SNX29: variants seen among roughly 807,000 people sequenced by gnomAD.
SNX29 encodes the protein sorting nexin-29.
In SNX29, 78 loss-of-function variants were observed where a neutral mutation model predicts 102.1. That is an observed-to-expected ratio of 0.76 (90% CI 0.64 to 0.92). The LOEUF (loss-of-function observed/expected upper bound fraction) is 0.92, where lower values mean the gene tolerates loss of function less well. Ranked by LOEUF, SNX29 falls within the 40% of genes least tolerant of loss-of-function variation. SNX29 has a pLI of 0.00. For synonymous variants in SNX29, 580 were observed against 414.5 expected (o/e 1.40, Z -4.85); for missense variants, 1,280 against 1,061.7 (o/e 1.21, Z -2.86).
rs1297096420 is a variant in SNX29 at position 12,570,509 on chromosome 16, T to C, written c.*1880T>C. On this transcript the variant is annotated 3_prime_UTR_variant, in exon 21 of 21. Transcript: ENST00000566228. ...ATGTCATGACCCCTTAGGTTGGGTT[T>C]ATGCCACATCGGTCATTTTGAAGTA... 3.9e-5 allele frequency: 9 copies of C among 232,816 alleles called. No individual in the cohort carries two copies. The Admixed American group carries it at 3.9e-4, about 10-fold the overall frequency. The allele number at this position is 232,816 out of a possible 1,614,324, so 14.4% of individuals were successfully genotyped here. A position where few individuals can be genotyped will look rare whatever the true frequency, so the allele number is the denominator to read the frequency against.
At chr16:12,099,485 T>C (rs1278861190) in intron 11 of SNX29, among the ~76,000 whole-genome samples, 1 of 152,204 alleles carries the variant, frequency 6.6e-6, no homozygotes, top group Non-Finnish European at 1.5e-5. Flanking sequence ...GGCAGCTCAG[T>C]ATTTAGTGAC....
At chr16:12,549,067 A>AG (rs1391592535) in intron 20 of SNX29, among the ~76,000 whole-genome samples, 8 of 152,354 alleles carry the variant, frequency 5.3e-5, no homozygotes, top group African/African-American at 1.9e-4. Context: ...CTGGGCAGGC[A>AG]TCATAGTGTT....
chr16:12,104,910 A>T (rs2053168575), intron 11 of SNX29, among the ~76,000 whole-genome samples: 1 of 152,224 alleles, frequency 6.6e-6, no homozygotes, highest in Non-Finnish European at 1.5e-5. Flanking sequence ...AATGTCAAAG[A>T]CTTGCCTTCT....
At chr16:12,501,427 T>G (rs1435759618) in intron 19 of SNX29, among the ~76,000 whole-genome samples, 1 of 151,486 alleles carries the variant, frequency 6.6e-6, no homozygotes, top group Non-Finnish European at 1.5e-5. Flanking sequence ...AAATTATGTT[T>G]AAGACAGTGG....
chr16:12,394,295 C>T (rs888989843), intron 16 of SNX29, among the ~76,000 whole-genome samples: 1 of 152,160 alleles, frequency 6.6e-6, no homozygotes, highest in African/African-American at 2.4e-5. Context: ...CTGGGCATCC[C>T]AGAGGCAAGA....
chr16:12,048,378 A>G lies in SNX29; in HGVS notation c.506A>G (p.Asn169Ser), dbSNP rs200133053. 90 of 1,613,370 alleles carry G rather than the reference A, an allele frequency of 5.6e-5. No homozygotes were observed. The highest frequency in any genetic ancestry group is 7.3e-5 in the Non-Finnish European group (86 of 1,179,748). The change falls in exon 7 of 21, where the codon AAC (asparagine) becomes AGC (serine). Residue 169 changes from asparagine to serine, a missense_variant. Asn to Ser is a conservative substitution (Grantham distance 46). Transcript: ENST00000566228. ...TTTCCCTTTTTTTGGGCAGGTCTGA[A>G]CTCCATACTCTTTGCGATTAACATC... is the stretch of plus-strand genomic sequence containing the variant. ...SMLPTMAAGL[N>S]SILFAINIDN...
intron 15 of SNX29, among the ~76,000 whole-genome samples, chr16:12,315,578 C>T (rs1484677568): frequency 6.6e-6 from 1 of 152,022 alleles, no homozygotes; most frequent in African/African-American, 2.4e-5. Context: ...TGTGTGCGTG[C>T]AGAGATGAGA....
intron 1 of SNX29, among the ~76,000 whole-genome samples, chr16:11,993,806 T>C (rs2055950077): frequency 6.6e-6 from 1 of 152,154 alleles, no homozygotes; most frequent in Admixed American, 6.5e-5. Context: ...CATTAAACAT[T>C]AGATCCTGAG....
intron 18 of SNX29, among the ~76,000 whole-genome samples, chr16:12,468,998 C>T (rs1212626492): frequency 6.6e-6 from 1 of 152,226 alleles, no homozygotes; most frequent in Non-Finnish European, 1.5e-5. Context: ...GTAATCTGTG[C>T]ACCTCAGTTC....
At chr16:12,334,608 C>G (rs897245724) in intron 15 of SNX29, among the ~76,000 whole-genome samples, 1 of 152,256 alleles carries the variant, frequency 6.6e-6, no homozygotes, top group African/African-American at 2.4e-5. Flanking sequence ...GCCCATAGAT[C>G]TGTTTGATTT....
chr16:12,555,496 G>A (rs1246315214), intron 20 of SNX29, among the ~76,000 whole-genome samples: 7 of 151,566 alleles, frequency 4.6e-5, no homozygotes, highest in African/African-American at 1.5e-4. Context: ...GTTGTGGGGA[G>A]TCACGCAGGG....
At chr16:12,543,721 A>C (rs2077451780) in intron 20 of SNX29, among the ~76,000 whole-genome samples, 1 of 152,210 alleles carries the variant, frequency 6.6e-6, no homozygotes, top group Non-Finnish European at 1.5e-5. Context: ...GAATTAATGA[A>C]TTTTGGCATT....
At chr16:12,080,263 T>G (rs1437992424) in intron 11 of SNX29, among the ~76,000 whole-genome samples, 1 of 152,140 alleles carries the variant, frequency 6.6e-6, no homozygotes, top group Non-Finnish European at 1.5e-5. Flanking sequence ...AGAAAGAGTT[T>G]GGGAGGCACC....
At chr16:12,029,374 A>T (rs2057278758) in intron 4 of SNX29, among the ~76,000 whole-genome samples, 1 of 152,144 alleles carries the variant, frequency 6.6e-6, no homozygotes, top group Non-Finnish European at 1.5e-5. Context: ...CTACAGGGAA[A>T]GTGATTAATT....
chr16:12,163,851 C>T (rs2055897167), intron 13 of SNX29, among the ~76,000 whole-genome samples: 1 of 152,048 alleles, frequency 6.6e-6, no homozygotes, highest in African/African-American at 2.4e-5. Flanking sequence ...TTCCGTGGTG[C>T]AGAGGATGAG....
chr16:12,407,745 C>T (rs1282788797), intron 18 of SNX29, among the ~76,000 whole-genome samples: 1 of 152,158 alleles, frequency 6.6e-6, no homozygotes, highest in African/African-American at 2.4e-5. Flanking sequence ...TTTCAGCCCC[C>T]AAAGCAGTCT....
intron 4 of SNX29, among the ~76,000 whole-genome samples, chr16:12,040,244 G>A (rs544398110): frequency 1.3e-5 from 2 of 152,192 alleles, no homozygotes; most frequent in South Asian, 4.2e-4. Flanking sequence ...CTGGGCATGG[G>A]GGTGCGTGCC....
intron 19 of SNX29, among the ~76,000 whole-genome samples, chr16:12,480,051 G>A (rs2087834090): frequency 6.6e-6 from 1 of 152,164 alleles, no homozygotes; most frequent in South Asian, 2.1e-4. Flanking sequence ...ACAAACAAGA[G>A]TTCAGTTCCT....
intron 20 of SNX29, among the ~76,000 whole-genome samples, chr16:12,531,995 CCACAGCGA>C (rs1159051238): frequency 3.3e-5 from 5 of 152,158 alleles, no homozygotes; most frequent in Non-Finnish European, 7.3e-5. Context: ...TTGGAGGAAT[CCACAGCGA>C]CAGAGGAGAG....
Sources: gnomAD v4.1 joint callset for allele counts (sites outside exome capture counted in the v4.1 genomes callset) on GRCh38, gnomAD v4.1.1 for gene constraint, MANE v1.5 for transcripts, NCBI Gene and HGNC (gene_info 2026-07-23, HGNC 2026-07-21) for gene names.